KCNN2: variants seen among roughly 807,000 people sequenced by gnomAD.
The protein encoded by KCNN2 is small conductance calcium-activated potassium channel protein 2.
A neutral mutation model predicts 55.5 loss-of-function variants in KCNN2; 24 were observed. The ratio of observed to expected loss-of-function variants is 0.43; its 90% CI spans 0.31 to 0.61. The LOEUF (loss-of-function observed/expected upper bound fraction) is 0.61. Ranked by LOEUF, KCNN2 falls within the 20% of genes least tolerant of loss-of-function variation. The probability of loss-of-function intolerance (pLI) is 0.08; values close to 1 mark genes in which losing one functional copy is unlikely to be tolerated. For missense variants in KCNN2, 754 were observed against 853.6 expected (o/e 0.88, Z 1.45); for synonymous variants, 431 against 336.1 (o/e 1.28, Z -3.09).
intron 2 of KCNN2, among the ~76,000 whole-genome samples, chr5:114,371,081 C>G (rs1757750097): frequency 6.6e-6 from 1 of 152,118 alleles, no homozygotes. Context: ...TAGAATGTGG[C>G]AGGTAAGGGC....
intron 2 of KCNN2, among the ~76,000 whole-genome samples, chr5:114,311,982 A>G (rs1756398467): frequency 6.6e-6 from 1 of 152,188 alleles, no homozygotes; most frequent in Non-Finnish European, 1.5e-5. Context: ...ATATGGAAAG[A>G]AAATCCAAAC....
intron 1 of KCNN2, among the ~76,000 whole-genome samples, chr5:114,125,093 T>C (rs1751903589): frequency 1.3e-5 from 2 of 152,210 alleles, no homozygotes. Context: ...GGCAATTGGT[T>C]ACCTAAAATT....
At chr5:114,269,625 T>C (rs943715146) in intron 2 of KCNN2, among the ~76,000 whole-genome samples, 4 of 152,090 alleles carry the variant, frequency 2.6e-5, no homozygotes, top group Non-Finnish European at 5.9e-5. Context: ...ATTATTTTAA[T>C]ACCCCGTAAT....
intron 1 of KCNN2, among the ~76,000 whole-genome samples, chr5:114,198,067 C>T (rs1166410269): frequency 6.6e-6 from 1 of 151,948 alleles, no homozygotes; most frequent in East Asian, 1.9e-4. Context: ...TGCTCCTCCC[C>T]CCACTTTTTA....
intron 1 of KCNN2, among the ~76,000 whole-genome samples, chr5:114,071,303 T>A (rs1432517072): frequency 6.6e-6 from 1 of 152,160 alleles, no homozygotes; most frequent in Non-Finnish European, 1.5e-5. Context: ...GGTAGCCCCA[T>A]CACAGCTGCC....
chr5:114,075,127 C>G (rs1750659741), intron 1 of KCNN2, among the ~76,000 whole-genome samples: 1 of 152,150 alleles, frequency 6.6e-6, no homozygotes, highest in Admixed American at 6.5e-5. Flanking sequence ...TGGCATAAAG[C>G]TCAGTTTAAT....
intron 1 of KCNN2, among the ~76,000 whole-genome samples, chr5:114,128,782 T>TA (rs1236513995): frequency 6.6e-6 from 1 of 152,126 alleles, no homozygotes; most frequent in Non-Finnish European, 1.5e-5. Flanking sequence ...AGAATGAAAT[T>TA]AAAAAAATCC....
At chr5:114,429,173 G>T (rs1759716730) in intron 3 of KCNN2, among the ~76,000 whole-genome samples, 1 of 152,036 alleles carries the variant, frequency 6.6e-6, no homozygotes, top group Admixed American at 6.5e-5. Context: ...ATACCATTTT[G>T]TAATTCCACC....
chr5:114,410,206 G>A (rs191217842), intron 3 of KCNN2, among the ~76,000 whole-genome samples: 26 of 152,288 alleles, frequency 1.7e-4, no homozygotes, highest in Non-Finnish European at 3.8e-4. Context: ...AGAGCTTGGG[G>A]TCCTGAAGAT....
chr5:114,202,585 A>ATTTTTTT lies in KCNN2; in HGVS notation c.-270-18885_-270-18879dup, dbSNP rs34199170. Among the ~76,000 whole-genome samples the ATTTTTTT allele has an allele frequency of 7.8e-4, 72 of 92,120 alleles. 1 individual carries two copies. The highest frequency in any genetic ancestry group is 9.9e-4 in the Non-Finnish European group (50 of 50,752). The allele number at this position is 92,120 out of a possible 152,430, so 60.4% of individuals were successfully genotyped here. On this transcript the variant is annotated intron_variant, in intron 1 of 10. Transcript: ENST00000512097. Reference sequence around the variant, plus strand: ...TGTGTGTGTATATATATATATATATATTTTTTTTTTTTTTTTCCCGAGACA... The same window carrying ATTTTTTT: ...TGTGTGTGTATATATATATATATATATTTTTTTTTTTTTTTTTTTTTTTCCCGAGACA...
chr5:114,403,336 AT>A (rs1758841269), intron 2 of KCNN2, among the ~76,000 whole-genome samples: 1 of 152,218 alleles, frequency 6.6e-6, no homozygotes, highest in Non-Finnish European at 1.5e-5. Context: ...TTTGGTAAGA[AT>A]GGAAATGTGG....
chr5:114,085,563 G>T (rs1205362462), intron 1 of KCNN2, among the ~76,000 whole-genome samples: 1 of 151,932 alleles, frequency 6.6e-6, no homozygotes, highest in African/African-American at 2.4e-5. Context: ...TATAATTTCA[G>T]ATTTTAAAAA....
chr5:114,454,889 C>A (rs1760851159), intron 3 of KCNN2, among the ~76,000 whole-genome samples: 1 of 152,176 alleles, frequency 6.6e-6, no homozygotes, highest in Non-Finnish European at 1.5e-5. Flanking sequence ...ACAATTTGTG[C>A]CTTCGAATTG....
intron 1 of KCNN2, among the ~76,000 whole-genome samples, chr5:114,193,708 A>T (rs776593082): frequency 2.0e-5 from 3 of 152,162 alleles, no homozygotes; most frequent in Non-Finnish European, 4.4e-5. Flanking sequence ...CTAAATGTTG[A>T]AAACCTAATT....
At chr5:114,372,322 TTTG>T (rs1757785025) in intron 2 of KCNN2, among the ~76,000 whole-genome samples, 1 of 152,192 alleles carries the variant, frequency 6.6e-6, no homozygotes, top group Admixed American at 6.5e-5. Context: ...GTAGGCCCTT[TTTG>T]TTGTTGAGCC....
rs562089927 is a variant in KCNN2, at chr5:114,202,258, C to G, written c.-270-19222C>G. Among the ~76,000 whole-genome samples, 7 of 152,074 alleles carry G rather than the reference C, an allele frequency of 4.6e-5. 1 individual carries two copies. Among genetic ancestry groups the G allele is most frequent in the African/African-American group, 1.7e-4 (7 of 41,476 alleles). Reference sequence around the variant, plus strand: ...TGCAATCTTTAGGCAGCTCTGTATGCCAGGCATAAGGATCTAGTGGGCTGA... The same window carrying G: ...TGCAATCTTTAGGCAGCTCTGTATGGCAGGCATAAGGATCTAGTGGGCTGA... On this transcript the variant is annotated intron_variant, in intron 1 of 10. Coordinates refer to the KCNN2 transcript ENST00000512097.
chr5:114,197,749 C>T (rs1181911855), intron 1 of KCNN2, among the ~76,000 whole-genome samples: 6 of 152,056 alleles, frequency 3.9e-5, no homozygotes, highest in South Asian at 2.1e-4. Flanking sequence ...TAGTTTCAAA[C>T]GGGCTGCTGA....
chr5:114,078,561 A>G (rs1251864628), intron 1 of KCNN2, among the ~76,000 whole-genome samples: 1 of 152,186 alleles, frequency 6.6e-6, no homozygotes, highest in African/African-American at 2.4e-5. Context: ...CCTTCTCTGA[A>G]ACTGGAGCAG....
At chr5:114,210,196 T>C (rs1186394775) in intron 1 of KCNN2, among the ~76,000 whole-genome samples, 2 of 152,152 alleles carry the variant, frequency 1.3e-5, no homozygotes, top group African/African-American at 4.8e-5. Context: ...GGCTGTGATA[T>C]GCCTTATGGA....
Sources: gnomAD v4.1 joint callset for allele counts (sites outside exome capture counted in the v4.1 genomes callset) on GRCh38, gnomAD v4.1.1 for gene constraint, MANE v1.5 for transcripts, NCBI Gene and HGNC (gene_info 2026-07-23, HGNC 2026-07-21) for gene names.